ALLC: variants seen among roughly 807,000 people sequenced by gnomAD.
ALLC encodes allantoicase.
A neutral mutation model predicts 45.0 loss-of-function variants in ALLC; 40 were observed. The ratio of observed to expected loss-of-function variants is 0.89; its 90% CI spans 0.69 to 1.16. ALLC has a LOEUF of 1.16. Ranked by LOEUF, ALLC falls within the 50% of genes most tolerant of loss-of-function variation. The probability of loss-of-function intolerance (pLI) is 0.00; values close to 1 mark genes in which losing one functional copy is unlikely to be tolerated. For missense variants in ALLC, 488 were observed against 493.1 expected (o/e 0.99, Z 0.10); for synonymous variants, 176 against 178.1 (o/e 0.99, Z 0.09).
At chr2:3,701,730 G>T in intron 11 of ALLC, 94 bp downstream of exon 11, 1 of 1,402,828 alleles carries the variant, frequency 7.1e-7, no homozygotes, top group Non-Finnish European at 9.5e-7. Context: ...CAAAGTTTCT[G>T]CTCAGTTTAA....
At chr2:3,671,785 G>A (rs1345972858) in intron 2 of ALLC, among the ~76,000 whole-genome samples, 10 of 88,874 alleles carry the variant, frequency 1.1e-4, no homozygotes, top group African/African-American at 2.5e-4. Flanking sequence ...CTGGTTAGAT[G>A]GGAGGTCCTC....
chr2:3,702,525 A>G lies in ALLC; in HGVS notation c.1138A>G (p.Met380Val). The G allele has an allele frequency of 1.2e-6, 2 of 1,603,782 alleles. No individual in the cohort carries two copies. The highest frequency in any genetic ancestry group is 1.7e-6 in the Non-Finnish European group (2 of 1,175,742). ...CCTCCTGAGGCCCCGGGAGAAGCCC[A>G]TGTTGAAGTTCTCGGTGAGCTTCAA... ...ICLLRPREKP[M>V]LKFSVSFKAN... Residue 380 changes from methionine to valine, a missense_variant, in exon 12 of 12, where the codon ATG (methionine) becomes GTG (valine). Met to Val is a conservative substitution (Grantham distance 21). Transcript: ENST00000252505.
chr2:3,670,948 G>T, intron 1 of ALLC, 148 bp from the exon 2 acceptor site: 1 of 583,766 alleles, frequency 1.7e-6, no homozygotes, highest in Non-Finnish European at 3.0e-6. Flanking sequence ...ATTGAGCAGA[G>T]GGCACCTGTC....
chr2:3,686,713 G>A (rs1027300075), intron 7 of ALLC, among the ~76,000 whole-genome samples: 7 of 150,830 alleles, frequency 4.6e-5, no homozygotes, highest in South Asian at 2.1e-4. Flanking sequence ...TTGTATATGC[G>A]ATTGCCTTCT....
intron 7 of ALLC, among the ~76,000 whole-genome samples, chr2:3,684,873 A>G (rs561035058): frequency 3.9e-5 from 6 of 152,314 alleles, no homozygotes; most frequent in East Asian, 1.9e-4. Context: ...CAGGCATGCA[A>G]TGAATAATAA....
chr2:3,667,619 GA>G (rs540106832), intron 1 of ALLC, among the ~76,000 whole-genome samples: 2 of 152,180 alleles, frequency 1.3e-5, no homozygotes, highest in Non-Finnish European at 2.9e-5. Context: ...TCTGACGATC[GA>G]AATGAGATAA....
chr2:3,650,979 T>C, the ALLC span, among the ~76,000 whole-genome samples: 2 of 152,208 alleles, frequency 1.3e-5, no homozygotes, highest in Non-Finnish European at 2.9e-5. Context: ...ACCTATTGTG[T>C]AGACTGCAGA....
chr2:3,672,323 G>A (rs1572511616), intron 2 of ALLC, among the ~76,000 whole-genome samples: 2 of 107,382 alleles, frequency 1.9e-5, no homozygotes, highest in Non-Finnish European at 4.0e-5. Flanking sequence ...CTCTGGCTCT[G>A]GTTAGATAGG....
rs1667152215 is a variant in ALLC, at chr2:3,680,629, G to A, written c.298+635G>A. ...TTATTGGGGGAACTTACGGACAGAAGCGTGGCCTTGGGCAGCAGCGAGATG... is the reference window on the plus strand; with the variant it reads ...TTATTGGGGGAACTTACGGACAGAAACGTGGCCTTGGGCAGCAGCGAGATG... On this transcript the variant is annotated intron_variant, in intron 5 of 11. Transcript: ENST00000252505. This position sits in a 1 kb window ranked among gnomAD's most constrained non-coding sequence, Gnocchi z 4.0. Among the ~76,000 whole-genome samples, 1 of 152,202 alleles carries A rather than the reference G, an allele frequency of 6.6e-6. No homozygotes were observed. The highest frequency in any genetic ancestry group is 6.5e-5 in the Admixed American group (1 of 15,280).
intron 2 of ALLC, 78 bp downstream of exon 2, chr2:3,671,268 C>T (rs1666861125): frequency 4.0e-6 from 6 of 1,506,166 alleles, no homozygotes; most frequent in Non-Finnish European, 5.4e-6. Flanking sequence ...CAGAGAACCT[C>T]ATGCAAGAAT....
chr2:3,653,492 T>C (rs770477183), upstream of ALLC, among the ~76,000 whole-genome samples: 1 of 152,202 alleles, frequency 6.6e-6, no homozygotes, highest in Non-Finnish European at 1.5e-5. This position sits in a 1 kb window ranked among gnomAD's most constrained non-coding sequence, Gnocchi z 4.1. Flanking sequence ...TCCTGCCAGC[T>C]ACGATCCAGC....
At chr2:3,701,353 G>C (rs914702539) in intron 10 of ALLC, among the ~76,000 whole-genome samples, 159 bp from the exon 11 acceptor site, 18 of 152,186 alleles carry the variant, frequency 1.2e-4, no homozygotes, top group African/African-American at 4.1e-4. Flanking sequence ...AAACCGGTTT[G>C]TTCCTTCCCT....
intron 6 of ALLC, 114 bp from the exon 7 acceptor site, chr2:3,682,828 A>T: frequency 1.7e-6 from 2 of 1,145,116 alleles, no homozygotes; most frequent in South Asian, 3.0e-5. Context: ...CCCGGCATCC[A>T]TCATTAATTT....
chr2:3,654,710 TG>T (rs1240810899), upstream of ALLC, among the ~76,000 whole-genome samples: 1 of 152,244 alleles, frequency 6.6e-6, no homozygotes, highest in African/African-American at 2.4e-5. Flanking sequence ...GAAACGTGAC[TG>T]TCTTTTCTGC....
intron 1 of ALLC, among the ~76,000 whole-genome samples, chr2:3,665,358 G>A (rs935601768): frequency 2.0e-5 from 3 of 151,972 alleles, no homozygotes; most frequent in Non-Finnish European, 4.4e-5. Flanking sequence ...GGATGTGCAT[G>A]TTTGCTACGT....
chr2:3,678,390 T>C, intron 3 of ALLC, 78 bp from the exon 4 acceptor site: 2 of 1,260,286 alleles, frequency 1.6e-6, no homozygotes, highest in Non-Finnish European at 2.3e-6. Flanking sequence ...TCTGGCACTG[T>C]GGGACAGAAG....
chr2:3,673,193 A>T (rs1666938690), intron 2 of ALLC, among the ~76,000 whole-genome samples: 1 of 152,250 alleles, frequency 6.6e-6, no homozygotes, highest in South Asian at 2.1e-4. Flanking sequence ...CACATGCTCC[A>T]GGTGGCTCAG....
At chr2:3,702,330 A>C (rs1277249382) in intron 11 of ALLC, 33 bp from the exon 12 acceptor site, 2 of 1,597,678 alleles carry the variant, frequency 1.3e-6, no homozygotes, top group Non-Finnish European at 1.7e-6. Context: ...TCCTGTTAAC[A>C]GACTAGGACC....
chr2:3,657,399 G>GACGC (rs1337463599), upstream of ALLC, among the ~76,000 whole-genome samples: 1 of 152,202 alleles, frequency 6.6e-6, no homozygotes, highest in African/African-American at 2.4e-5. Flanking sequence ...ATCTCCCTGG[G>GACGC]ACGCAGGTTG....
Sources: allele counts gnomAD v4.1 joint callset (sites outside exome capture counted in the v4.1 genomes callset), GRCh38; gene constraint gnomAD v4.1.1; non-coding constraint Gnocchi (gnomAD v3.1); transcripts MANE v1.5; gene names NCBI Gene and HGNC (gene_info 2026-07-23, HGNC 2026-07-21).